The following TYW1B variants were observed in gnomAD, a reference collection of about 807,000 sequenced individuals.
The protein encoded by TYW1B is tRNA-yW synthesizing protein 1 homolog B.
In TYW1B, 73 loss-of-function variants were observed where a neutral mutation model predicts 86.9. The ratio of observed to expected loss-of-function variants is 0.84; its 90% confidence interval spans 0.70 to 1.02. TYW1B has a LOEUF of 1.02. Ranked by LOEUF, TYW1B falls within the 50% of genes least tolerant of loss-of-function variation. TYW1B has a pLI of 0.00. For missense variants in TYW1B, 637 were observed against 827.4 expected (o/e 0.77, Z 2.82); for synonymous variants, 248 against 292.8 (o/e 0.85, Z 1.56).
chr7:72,669,509 T>C (rs1554445947), intron 11 of TYW1B, among the ~76,000 whole-genome samples: 1 of 152,150 alleles, frequency 6.6e-6, no homozygotes, highest in South Asian at 2.1e-4. Context: ...CTCATGCCTA[T>C]AATCCCAGCA....
intron 6 of TYW1B, 52 bp from the exon 7 acceptor site, chr7:72,777,585 T>C: frequency 6.9e-6 from 11 of 1,602,186 alleles, no homozygotes; most frequent in Non-Finnish European, 9.4e-6. Context: ...GCAATGTAAA[T>C]AACAGCACAA....
intron 6 of TYW1B, among the ~76,000 whole-genome samples, chr7:72,793,041 G>T (rs1466723328): frequency 6.6e-6 from 1 of 152,150 alleles, no homozygotes; most frequent in Non-Finnish European, 1.5e-5. Context: ...TGTCAACAGG[G>T]TTTTAAATTA....
chr7:72,609,924 T>C (rs1811894838), intron 13 of TYW1B, among the ~76,000 whole-genome samples: 1 of 152,190 alleles, frequency 6.6e-6, no homozygotes, highest in African/African-American at 2.4e-5. Context: ...TATTTCCTCA[T>C]GGCTGTGGTT....
chr7:72,688,817 C>T (rs1814070389), intron 11 of TYW1B, among the ~76,000 whole-genome samples: 1 of 152,196 alleles, frequency 6.6e-6, no homozygotes, highest in African/African-American at 2.4e-5. Context: ...ATGCAATACA[C>T]TTACATTTCT....
At chr7:72,728,087 C>T (rs1265958318) in intron 9 of TYW1B, among the ~76,000 whole-genome samples, 1 of 152,024 alleles carries the variant, frequency 6.6e-6, no homozygotes, top group Admixed American at 6.6e-5. Flanking sequence ...TATATTATCC[C>T]TCCTTTTTTT....
rs140382164 is a variant in TYW1B, at chr7:72,654,559, T to G, written c.1507-25562A>C. Among the ~76,000 whole-genome samples the G allele has an allele frequency of 4.6e-5, 7 of 152,272 alleles. No individual in the cohort carries two copies. The East Asian group carries it at 1.4e-3, about 29-fold the overall frequency. On this transcript the variant is annotated intron_variant, in intron 11 of 13. Transcript: ENST00000620995. ...CCCTTCAGCCAAACCTAAAGAAATCTAAATAAAAGTATGAATTTTATGTAT... is the reference window on the plus strand; with the variant it reads ...CCCTTCAGCCAAACCTAAAGAAATCGAAATAAAAGTATGAATTTTATGTAT...
intron 11 of TYW1B, among the ~76,000 whole-genome samples, chr7:72,689,162 C>T (rs1294434898): frequency 6.6e-6 from 1 of 151,588 alleles, no homozygotes; most frequent in African/African-American, 2.4e-5. Flanking sequence ...ACTTTGGCAC[C>T]GATGATGAGA....
chr7:72,701,905 G>T (rs1162565230), intron 10 of TYW1B, among the ~76,000 whole-genome samples: 1 of 152,150 alleles, frequency 6.6e-6, no homozygotes, highest in African/African-American at 2.4e-5. Context: ...CAGGCAGTTT[G>T]CAACTCTGCC....
chr7:72,808,143 G>C (rs1173050848), intron 4 of TYW1B, among the ~76,000 whole-genome samples: 1 of 151,726 alleles, frequency 6.6e-6, no homozygotes, highest in Non-Finnish European at 1.5e-5. Flanking sequence ...CCCATTCATA[G>C]TCTAATTTAT....
intron 7 of TYW1B, among the ~76,000 whole-genome samples, chr7:72,766,356 C>T (rs1438850051): frequency 1.3e-5 from 2 of 152,196 alleles, no homozygotes; most frequent in Non-Finnish European, 2.9e-5. Flanking sequence ...TGGCTCACGC[C>T]TATAATCCCA....
rs534048025 is a variant in TYW1B, at chr7:72,731,871, C to T, written c.1083-2940G>A. Among the ~76,000 whole-genome samples the T allele has an allele frequency of 1.8e-4, 27 of 152,088 alleles. No homozygotes were observed. In the South Asian group the frequency reaches 3.5e-3, roughly 20 times the overall value. ...GCAGGAGAATTGCTTGAACCTGAGG[C>T]GGAAGTTGCAGTGAACCGAGATTGT... On this transcript the variant is annotated intron_variant, in intron 8 of 13. Transcript: ENST00000620995.
Position 72,656,526 on chromosome 7 carries a change from T to A in TYW1B, c.1507-27529A>T, listed in dbSNP as rs1813208709. The stretch of plus-strand genomic sequence containing the variant: ...GGGAAGCTGAGGCATGAGAGTCGCT[T>A]CAACCTGGGAGGTGGAGTTTGCAGT... On this transcript the variant is annotated intron_variant, in intron 11 of 13. Coordinates refer to ENST00000620995, the MANE Select transcript of TYW1B (RefSeq NM_001145440.3). 2.0e-5 allele frequency among the ~76,000 whole-genome samples: 3 copies of A among 152,040 alleles called. No individual in the cohort carries two copies. The South Asian group carries it at 6.2e-4, about 31-fold the overall frequency.
Position 72,810,568 on chromosome 7 carries a change from G to C in TYW1B, c.335C>G (p.Ala112Gly), listed in dbSNP as rs1259016778. The C allele has an allele frequency of 1.9e-6, 3 of 1,613,812 alleles. No individual in the cohort carries two copies. The highest frequency in any genetic ancestry group is 2.2e-5 in the East Asian group (1 of 44,886). The change falls in exon 4 of 14, where the codon GCA becomes GGA. Residue 112 changes from alanine to glycine, a missense_variant. By Grantham distance (60) the Ala-to-Gly change is moderately conservative. Transcript: ENST00000620995. The part of the protein sequence containing the change: ...AEWFCKWLEE[A>G]SIDFRFGKTY... ...TTTGCCAAATCGAAAATCAATGGAT[G>C]CTTCCTCTAACCATTTGCAGAACCA...
chr7:72,602,429 G>C (rs2129568087), intron 13 of TYW1B, among the ~76,000 whole-genome samples: 1 of 152,224 alleles, frequency 6.6e-6, no homozygotes, highest in East Asian at 1.9e-4. Flanking sequence ...TATAGGTATA[G>C]ACAGAAATAT....
At chr7:72,670,123 C>T (rs1451182424) in intron 11 of TYW1B, among the ~76,000 whole-genome samples, 3 of 152,084 alleles carry the variant, frequency 2.0e-5, no homozygotes, top group African/African-American at 4.8e-5. Context: ...AGAATGAATC[C>T]CTGTCTCTAA....
chr7:72,818,384 C>G (rs1490622920), intron 2 of TYW1B, among the ~76,000 whole-genome samples: 1 of 151,512 alleles, frequency 6.6e-6, no homozygotes. Context: ...GAGTTCGAGA[C>G]CAGCCTGGGC....
chr7:72,681,566 G>C (rs1242975598), intron 11 of TYW1B, among the ~76,000 whole-genome samples: 1 of 149,908 alleles, frequency 6.7e-6, no homozygotes, highest in South Asian at 2.1e-4. Context: ...ACAGTAAGAA[G>C]AGTGTTGGAG....
chr7:72,685,422 A>T (rs1813987007), intron 11 of TYW1B, among the ~76,000 whole-genome samples: 1 of 152,238 alleles, frequency 6.6e-6, no homozygotes, highest in African/African-American at 2.4e-5. Flanking sequence ...CAACTATATC[A>T]GATCCCCTGA....
At chr7:72,733,323 A>G (rs1406684378) in intron 8 of TYW1B, among the ~76,000 whole-genome samples, 6 of 152,192 alleles carry the variant, frequency 3.9e-5, no homozygotes, top group African/African-American at 7.2e-5. Context: ...ACAACAAAAA[A>G]GAAAAGGAAA....
Sources: gnomAD v4.1 joint callset for allele counts (sites outside exome capture counted in the v4.1 genomes callset) on GRCh38, gnomAD v4.1.1 for gene constraint, MANE v1.5 for transcripts, NCBI Gene and HGNC (gene_info 2026-07-23, HGNC 2026-07-21) for gene names.